NLRP1: variants seen among roughly 807,000 people sequenced by gnomAD.
The protein encoded by NLRP1 is NLR family pyrin domain containing 1, also known as NACHT, LRR and PYD domains-containing protein 1.
NLRP1 carries 94 observed loss-of-function variants against 136.7 expected under a neutral mutation model. The ratio of observed to expected loss-of-function variants is 0.69; its 90% CI spans 0.58 to 0.82. The LOEUF is 0.82. NLRP1 is among the 40% of genes least tolerant of loss of function. The pLI, the probability that NLRP1 is intolerant of heterozygous loss-of-function variation, is 0.00. For missense variants in NLRP1, 1,575 were observed against 1,802.7 expected (o/e 0.87, Z 2.29); for synonymous variants, 690 against 725.1 (o/e 0.95, Z 0.78).
intron 5 of NLRP1, among the ~76,000 whole-genome samples, chr17:5,550,581 A>C (rs1251399170): frequency 2.0e-5 from 3 of 152,060 alleles, no homozygotes; most frequent in African/African-American, 7.2e-5. Context: ...GAATCTTCTT[A>C]CATTTTAGTT....
At chr17:5,553,263 G>T in intron 5 of NLRP1, 123 bp downstream of exon 5, 1 of 832,488 alleles carries the variant, frequency 1.2e-6, no homozygotes, top group Non-Finnish European at 1.7e-6. Flanking sequence ...AAGTCATCCC[G>T]GCCAGAGAAG....
At chr17:5,545,459 CAT>C (rs1476769663) in intron 5 of NLRP1, among the ~76,000 whole-genome samples, 2 of 130,102 alleles carry the variant, frequency 1.5e-5, no homozygotes, top group African/African-American at 4.0e-5. Flanking sequence ...CACAGACACA[CAT>C]ACAGACACAC....
intron 11 of NLRP1, among the ~76,000 whole-genome samples, chr17:5,532,310 A>G (rs1910403983): frequency 6.6e-6 from 1 of 152,220 alleles, no homozygotes; most frequent in Non-Finnish European, 1.5e-5. Flanking sequence ...GTTTTAGACA[A>G]TTGAGCAATT....
intron 15 of NLRP1, chr17:5,501,893 T>C (rs758729905): frequency 6.2e-7 from 1 of 1,611,128 alleles, no homozygotes; most frequent in South Asian, 1.1e-5. Flanking sequence ...GGGAGAACAA[T>C]CACTTGGATT....
At chr17:5,503,014 TGTGAA>T (rs1438904689) in intron 15 of NLRP1, 1 of 151,464 alleles carries the variant, frequency 6.6e-6, no homozygotes, top group Non-Finnish European at 1.5e-5. Context: ...ACTGGAAGGG[TGTGAA>T]GGGTGAAATG....
chr17:5,551,898 T>A (rs1317537204), intron 5 of NLRP1, among the ~76,000 whole-genome samples: 1 of 152,132 alleles, frequency 6.6e-6, no homozygotes, highest in East Asian at 1.9e-4. Flanking sequence ...GCCTCCTAAG[T>A]AGTTATGACA....
rs190034476 is a variant in NLRP1 at position 5,568,513 on chromosome 17, A to G, written c.653-8470T>C. 3.1e-4 allele frequency among the ~76,000 whole-genome samples: 47 copies of G among 152,184 alleles called. No homozygotes were observed. The East Asian group carries it at 6.2e-3, about 20-fold the overall frequency. ...GAATTTCCTCAACACAGCTATTTTG[A>G]ATTCTGTCTGAAAGGTCACATATCT... On this transcript the variant is annotated intron_variant, in intron 3 of 16. Transcript: ENST00000572272.
downstream of NLRP1, among the ~76,000 whole-genome samples, chr17:5,510,829 C>T (rs1390696236): frequency 6.6e-6 from 1 of 152,074 alleles, no homozygotes; most frequent in Admixed American, 6.6e-5. Flanking sequence ...TTCGTATCTC[C>T]TTGCCACTAG....
intron 1 of NLRP1, 76 bp from the exon 2 acceptor site, chr17:5,582,922 C>T: frequency 1.7e-6 from 2 of 1,189,032 alleles, no homozygotes; most frequent in Admixed American, 5.1e-5. Context: ...GAGCTGGTCT[C>T]CTCTCTCAAC....
chr17:5,512,522 G>T, downstream of NLRP1: 1 of 614,530 alleles, frequency 1.6e-6, no homozygotes, highest in South Asian at 1.8e-5. Flanking sequence ...ACTTCCCATT[G>T]ACTGTCCTCT....
downstream of NLRP1, among the ~76,000 whole-genome samples, chr17:5,510,296 T>C (rs9902440): frequency 0.46 from 70,024 of 151,848 alleles, 17,122 homozygotes; most frequent in East Asian, 0.91. Context: ...AAGGGACCCT[T>C]CTGCCTCAGC....
chr17:5,560,190 C>T, intron 3 of NLRP1, 147 bp from the exon 4 acceptor site: 1 of 748,816 alleles, frequency 1.3e-6, no homozygotes, highest in Non-Finnish European at 2.1e-6. Context: ...GGCGGAAGGA[C>T]ATGTGCTTTG....
intron 3 of NLRP1, among the ~76,000 whole-genome samples, chr17:5,567,063 G>A (rs1915417468): frequency 6.6e-6 from 1 of 152,020 alleles, no homozygotes; most frequent in Non-Finnish European, 1.5e-5. Context: ...GTCTTTATAG[G>A]TGAAATGTGT....
At chr17:5,511,845 CCTCTTT>C (rs755542822), downstream of NLRP1, among the ~76,000 whole-genome samples, 53 of 150,084 alleles carry the variant, frequency 3.5e-4, no homozygotes, top group Non-Finnish European at 5.3e-4. Context: ...CCTTCCTCTT[CCTCTTT>C]CTCTTCCTTT....
chr17:5,520,906 G>A lies in NLRP1; in HGVS notation c.3890C>T (p.Ser1297Leu), dbSNP rs1323454450. 2 of 1,608,892 alleles carry A rather than the reference G, an allele frequency of 1.2e-6. No individual in the cohort carries two copies. The highest frequency in any genetic ancestry group is 1.7e-5 in the Admixed American group (1 of 59,420). The change falls in exon 14 of 17, where the codon TCA (serine) becomes TTA (leucine). Residue 1297 changes from serine (S) to leucine (L), a missense_variant. Physicochemically the swap from Ser to Leu is moderately radical, Grantham distance 145 (BLOSUM62 -2). Coordinates refer to ENST00000572272, the MANE Select transcript of NLRP1 (RefSeq NM_033004.4). ...CTTGGGGAGTATTTCCAGCATCCCT[G>A]AACCAGACCCAGACACAGTGTAACG... ...GCRYTVSGSGSGMLEILPKEL... is the reference protein window; with the variant it reads ...GCRYTVSGSGLGMLEILPKEL...
chr17:5,581,434 A>T (rs1159563068), intron 3 of NLRP1, among the ~76,000 whole-genome samples: 2 of 152,216 alleles, frequency 1.3e-5, no homozygotes, highest in Non-Finnish European at 2.9e-5. Flanking sequence ...TCCAATGTAC[A>T]CGTAAAGCCC....
At chr17:5,577,720 A>G (rs920933234) in intron 3 of NLRP1, among the ~76,000 whole-genome samples, 71 of 152,224 alleles carry the variant, frequency 4.7e-4, no homozygotes, top group Non-Finnish European at 8.1e-4. Context: ...ATCCCCATCA[A>G]GCTACCAATG....
intron 15 of NLRP1, among the ~76,000 whole-genome samples, chr17:5,517,350 A>AACCCCCCC (rs1908249471): frequency 2.1e-5 from 1 of 47,378 alleles, no homozygotes; most frequent in South Asian, 8.8e-4. Context: ...TGCACTCTGC[A>AACCCCCCC]CCCCCCCCCC....
At chr17:5,526,124 A>G (rs1909521633) in intron 12 of NLRP1, among the ~76,000 whole-genome samples, 2 of 151,894 alleles carry the variant, frequency 1.3e-5, no homozygotes, top group South Asian at 4.2e-4. Context: ...ACAGGTGCGC[A>G]CCACCATGCC....
Sources: gnomAD v4.1 joint callset for allele counts (sites outside exome capture counted in the v4.1 genomes callset) on GRCh38, gnomAD v4.1.1 for gene constraint, MANE v1.5 for transcripts, NCBI Gene and HGNC (gene_info 2026-07-23, HGNC 2026-07-21) for gene names.